Variants in WDFY3 observed in about 807,000 individuals in gnomAD.
WDFY3 encodes WD repeat and FYVE domain containing 3.
A neutral mutation model predicts 409.6 loss-of-function variants in WDFY3; 66 were observed. The observed-to-expected ratio is 0.16, with a 90% CI of 0.13 to 0.20. The LOEUF is 0.20. Among genes scored for constraint, WDFY3 ranks in the 10% least tolerant of loss-of-function variants. The pLI is 1.00. For missense variants in WDFY3, 3,031 were observed against 4,298.1 expected (o/e 0.71, Z 8.24); for synonymous variants, 1,521 against 1,537.1 (o/e 0.99, Z 0.25).
intron 3 of WDFY3, among the ~76,000 whole-genome samples, chr4:84,861,265 TTTC>T (rs755026273): frequency 1.1e-4 from 17 of 152,050 alleles, no homozygotes; most frequent in Non-Finnish European, 2.2e-4. Context: ...TATTAATGGA[TTTC>T]TTAATGGTTA....
chr4:84,912,047 T>C (rs535332290), intron 2 of WDFY3, among the ~76,000 whole-genome samples: 23 of 152,312 alleles, frequency 1.5e-4, no homozygotes, highest in South Asian at 6.2e-4. Flanking sequence ...CCAGAGCAGT[T>C]TGTCTCTCCA....
At chr4:84,858,810 ATCG>A (rs1412841338) in intron 4 of WDFY3, among the ~76,000 whole-genome samples, 1 of 151,830 alleles carries the variant, frequency 6.6e-6, no homozygotes, top group Non-Finnish European at 1.5e-5. Context: ...GGAGAAAGGC[ATCG>A]TCAGGGGCAT....
chr4:84,895,408 A>C (rs1765501444), intron 3 of WDFY3, among the ~76,000 whole-genome samples: 1 of 152,382 alleles, frequency 6.6e-6, no homozygotes. Flanking sequence ...AGACAAGTTC[A>C]TTCAGCTGAC....
At chr4:84,878,392 T>C (rs1452363034) in intron 3 of WDFY3, among the ~76,000 whole-genome samples, 4 of 152,078 alleles carry the variant, frequency 2.6e-5, no homozygotes, top group African/African-American at 9.7e-5. Context: ...CAAAAGATTG[T>C]GCAGAATTAC....
At chr4:84,810,382 A>G in intron 13 of WDFY3, 38 bp from the exon 14 acceptor site, 3 of 1,380,314 alleles carry the variant, frequency 2.2e-6, no homozygotes, top group East Asian at 2.5e-5. Context: ...GAAAATACAC[A>G]TAATTCAAAA....
rs747963721 is a variant in WDFY3 at position 84,821,475 on chromosome 4, G to C, written c.1200C>G (p.Ala400=). Reference sequence around the variant, plus strand: ...TTGTGATAGCATCAAGGATGATTTGGGCAAGGAAGCTGGTTTTTGCTTTTA... The same window carrying C: ...TTGTGATAGCATCAAGGATGATTTGCGCAAGGAAGCTGGTTTTTGCTTTTA... ...AFLKAKTSFL[A]QIILDAITNI... is the part of the protein sequence containing the mutation. Residue 400 remains alanine (A), a synonymous_variant, in exon 11 of 68, where the codon GCC becomes GCG. Transcript: ENST00000295888. 25 of 1,613,654 alleles carry C rather than the reference G, an allele frequency of 1.5e-5. No individual in the cohort carries two copies. In the Admixed American group the frequency reaches 3.0e-4, roughly 19 times the overall value.
intron 5 of WDFY3, among the ~76,000 whole-genome samples, chr4:84,845,108 T>A (rs2150064190): frequency 6.6e-6 from 1 of 152,156 alleles, no homozygotes; most frequent in Admixed American, 6.5e-5. Context: ...TCTCAAGTAA[T>A]CTGATAAAAA....
intron 21 of WDFY3, among the ~76,000 whole-genome samples, chr4:84,793,026 G>A (rs1430230986): frequency 1.3e-5 from 2 of 152,202 alleles, no homozygotes; most frequent in Admixed American, 6.5e-5. Flanking sequence ...AGTGGGCACA[G>A]GGAGGAAGGG....
chr4:84,808,013 A>G (rs17377352), intron 15 of WDFY3, among the ~76,000 whole-genome samples: 5,293 of 152,232 alleles, frequency 0.035, 94 homozygotes, highest in South Asian at 0.05. Context: ...AGAGACATTA[A>G]GTCCACATTT....
At chr4:84,746,513 A>G (rs1739468954) in intron 36 of WDFY3, among the ~76,000 whole-genome samples, 1 of 152,146 alleles carries the variant, frequency 6.6e-6, no homozygotes, top group African/African-American at 2.4e-5. Flanking sequence ...TTCCAGAAGG[A>G]TTTAACACTG....
At chr4:84,743,017 T>C (rs1738725599) in intron 37 of WDFY3, among the ~76,000 whole-genome samples, 1 of 152,128 alleles carries the variant, frequency 6.6e-6, no homozygotes, top group Admixed American at 6.5e-5. Context: ...GACTTGAGAG[T>C]GCACAGTTGC....
chr4:84,846,026 T>C (rs1288032796), intron 5 of WDFY3, among the ~76,000 whole-genome samples: 1 of 152,084 alleles, frequency 6.6e-6, no homozygotes, highest in Non-Finnish European at 1.5e-5. Flanking sequence ...TTTCAGATGA[T>C]AACAAAGCTA....
intron 4 of WDFY3, among the ~76,000 whole-genome samples, chr4:84,854,132 C>A (rs1479166428): frequency 6.6e-6 from 1 of 152,128 alleles, no homozygotes; most frequent in Non-Finnish European, 1.5e-5. Flanking sequence ...GAAGAAGCGA[C>A]ACTGGTGCCA....
At chr4:84,868,172 A>C (rs967720853) in intron 3 of WDFY3, among the ~76,000 whole-genome samples, 3 of 6,734 alleles carry the variant, frequency 4.5e-4, no homozygotes, top group Admixed American at 2.4e-3. Flanking sequence ...ACTCTGTCTC[A>C]AAAAAAAAAA....
Position 84,669,776 on chromosome 4 carries a change from C to T in WDFY3, c.*3092G>A, listed in dbSNP as rs1578070885. 6.8e-6 allele frequency: 1 copy of T among 147,614 alleles called. No individual in the cohort carries two copies. The highest frequency in any genetic ancestry group is 2.0e-4 in the East Asian group (1 of 5,032). The allele number at this position is 147,614 out of a possible 1,614,324, so 9.1% of individuals were successfully genotyped here. Reference sequence around the variant, plus strand: ...GGTTTCTGCAATATAGTATAAAAGTCCACAATCAATCCAGTCTTAGCCAGT... The same window carrying T: ...GGTTTCTGCAATATAGTATAAAAGTTCACAATCAATCCAGTCTTAGCCAGT... On this transcript the variant is annotated 3_prime_UTR_variant, in exon 68 of 68. Coordinates refer to ENST00000295888, the MANE Select transcript of WDFY3 (RefSeq NM_014991.6).
chr4:84,684,152 C>G, intron 62 of WDFY3, 27 bp from the exon 63 acceptor site: 1 of 1,498,304 alleles, frequency 6.7e-7, no homozygotes, highest in Non-Finnish European at 9.0e-7. Flanking sequence ...AAACGTCATT[C>G]TCTTTGCTCC....
At chr4:84,905,349 T>C (rs1350552219) in intron 2 of WDFY3, among the ~76,000 whole-genome samples, 2 of 152,052 alleles carry the variant, frequency 1.3e-5, no homozygotes, top group Non-Finnish European at 2.9e-5. Context: ...TAAAAATAAA[T>C]AAATAAATAA....
At chr4:84,824,952 A>C (rs1307921308) in intron 10 of WDFY3, among the ~76,000 whole-genome samples, 1 of 152,172 alleles carries the variant, frequency 6.6e-6, no homozygotes, top group Non-Finnish European at 1.5e-5. Flanking sequence ...CTGAAGAAGA[A>C]ACTGATGTTT....
intron 47 of WDFY3, among the ~76,000 whole-genome samples, chr4:84,719,706 C>T (rs956265510): frequency 1.3e-5 from 2 of 152,110 alleles, no homozygotes; most frequent in African/African-American, 2.4e-5. Context: ...TACACACACA[C>T]ACAAAATGTT....
Sources: allele counts gnomAD v4.1 joint callset (sites outside exome capture counted in the v4.1 genomes callset), GRCh38; gene constraint gnomAD v4.1.1; transcripts MANE v1.5; gene names NCBI Gene and HGNC (gene_info 2026-07-23, HGNC 2026-07-21).